Variants in TMPRSS4 observed in about 807,000 individuals in gnomAD.
TMPRSS4 encodes transmembrane serine protease 4, also known as transmembrane protease serine 4.
TMPRSS4 carries 45 observed loss-of-function variants against 56.4 expected under a neutral mutation model. That is an observed-to-expected ratio of 0.80 (90% CI 0.63 to 1.02). The LOEUF (loss-of-function observed/expected upper bound fraction) is 1.02, where lower values mean the gene tolerates loss of function less well. Among genes scored for constraint, TMPRSS4 ranks in the 50% least tolerant of loss-of-function variants. The pLI, the probability that TMPRSS4 is intolerant of heterozygous loss-of-function variation, is 0.00. For synonymous variants in TMPRSS4, 205 were observed against 211.0 expected, an observed-to-expected ratio of 0.97 and a Z score of 0.25; for missense variants, 546 against 556.7, an observed-to-expected ratio of 0.98 and a Z score of 0.19.
intron 11 of TMPRSS4, among the ~76,000 whole-genome samples, chr11:118,116,337 GT>G (rs1318794144): frequency 6.6e-6 from 1 of 152,176 alleles, no homozygotes; most frequent in Non-Finnish European, 1.5e-5. Context: ...GCATCTCTTA[GT>G]CATCGCATGT....
At chr11:118,114,575 T>C (rs1355937475) in intron 9 of TMPRSS4, among the ~76,000 whole-genome samples, 1 of 152,116 alleles carries the variant, frequency 6.6e-6, no homozygotes, top group African/African-American at 2.4e-5. Context: ...CCTGGGGTGA[T>C]TTAGGGCAGG....
At chr11:118,088,148 A>G (rs940872985) in intron 1 of TMPRSS4, 4 of 152,270 alleles carry the variant, frequency 2.6e-5, no homozygotes, top group African/African-American at 7.2e-5. Flanking sequence ...TCCTGAAACC[A>G]TGGGGAAATG....
At chr11:118,081,619 G>T (rs561144509) in intron 1 of TMPRSS4, among the ~76,000 whole-genome samples, 1 of 152,224 alleles carries the variant, frequency 6.6e-6, no homozygotes, top group Admixed American at 6.5e-5. Context: ...CCTGTCCAGG[G>T]GTGGCAGTCG....
intron 7 of TMPRSS4, 107 bp from the exon 8 acceptor site, chr11:118,111,634 C>G (rs909290684): frequency 3.4e-6 from 3 of 872,062 alleles, no homozygotes; most frequent in Non-Finnish European, 5.0e-6. Flanking sequence ...CACTCTGGCC[C>G]CAGCCATAAG....
At chr11:118,110,318 G>A (rs554706350) in intron 7 of TMPRSS4, among the ~76,000 whole-genome samples, 1 of 151,028 alleles carries the variant, frequency 6.6e-6, no homozygotes, top group Non-Finnish European at 1.5e-5. Context: ...CAAACCAAGA[G>A]GGGGATAGAG....
At chr11:118,117,239 C>G in intron 11 of TMPRSS4, 66 bp from the exon 12 acceptor site, 1 of 1,532,712 alleles carries the variant, frequency 6.5e-7, no homozygotes, top group Non-Finnish European at 9.0e-7. Flanking sequence ...GTTCAGGGAG[C>G]AGAGAAGGAG....
chr11:118,101,211 G>A (rs142425881), intron 3 of TMPRSS4, among the ~76,000 whole-genome samples: 1 of 152,246 alleles, frequency 6.6e-6, no homozygotes, highest in African/African-American at 2.4e-5. Context: ...CCACGTCCCT[G>A]TTTGTAATGT....
intron 11 of TMPRSS4, 93 bp downstream of exon 11, chr11:118,115,373 C>T (rs1055116977): frequency 2.7e-5 from 40 of 1,464,530 alleles, no homozygotes; most frequent in Non-Finnish European, 3.6e-5. Context: ...CTACAGGAAG[C>T]CTTGCATATC....
rs772893876 is a variant in TMPRSS4 at position 118,103,255 on chromosome 11, T to C, written c.310+2T>C. On this transcript the variant is annotated splice_donor_variant, in intron 4 of 12. Transcript: ENST00000437212. LOFTEE classifies it high-confidence loss of function. Reference sequence around the variant, plus strand: ...TCCCCGAAGGGCCTGCAGTGGCAGGTGAGTGCAGGGTCTGAGGCACAAGAG... The same window carrying C: ...TCCCCGAAGGGCCTGCAGTGGCAGGCGAGTGCAGGGTCTGAGGCACAAGAG... 6.2e-7 allele frequency: 1 copy of C among 1,612,728 alleles called. No homozygotes were observed. The highest frequency in any genetic ancestry group is 8.5e-7 in the Non-Finnish European group (1 of 1,179,688).
At chr11:118,096,423 A>G (rs1946289886) in intron 2 of TMPRSS4, among the ~76,000 whole-genome samples, 1 of 152,202 alleles carries the variant, frequency 6.6e-6, no homozygotes, top group Non-Finnish European at 1.5e-5. Context: ...GGAAGAGCTG[A>G]GGAAAGAAAT....
intron 1 of TMPRSS4, among the ~76,000 whole-genome samples, chr11:118,083,344 C>A (rs1048375191): frequency 3.3e-5 from 5 of 152,212 alleles, no homozygotes; most frequent in African/African-American, 1.2e-4. Context: ...CGTGTTCCAC[C>A]CTCTCTTCCG....
chr11:118,096,846 GGA>G (rs1565422125), intron 2 of TMPRSS4, among the ~76,000 whole-genome samples: 2,299 of 36,236 alleles, frequency 0.063, 662 homozygotes, highest in South Asian at 0.14. Context: ...AAGGAAAGAA[GGA>G]AAGAAAGAAA....
In TMPRSS4 at chr11:118,120,719, A is replaced by T. The variant is rs1947765480; in HGVS notation, c.*2806A>T. ...TAAGGAGATTAAAAATATGAAAACA[A>T]GGCCAGGAGCAATGAAGCCTAGAAT... On this transcript the variant is annotated 3_prime_UTR_variant, in exon 13 of 13. Coordinates refer to ENST00000437212, the MANE Select transcript of TMPRSS4 (RefSeq NM_019894.4). 5 of 152,208 alleles carry T rather than the reference A, an allele frequency of 3.3e-5. No homozygotes were observed. The highest frequency in any genetic ancestry group is 3.3e-4 in the Admixed American group (5 of 15,282). 9.4% of individuals were successfully genotyped at this position (152,208 alleles called of 1,614,324 possible). A position where few individuals can be genotyped will look rare whatever the true frequency, so the allele number is the denominator to read the frequency against.
Position 118,118,012 on chromosome 11 carries a change from A to G in TMPRSS4, c.*99A>G. The G allele has an allele frequency of 6.2e-7, 1 of 1,603,782 alleles. No individual in the cohort carries two copies. The highest frequency in any genetic ancestry group is 8.5e-7 in the Non-Finnish European group (1 of 1,177,562). On this transcript the variant is annotated 3_prime_UTR_variant, in exon 13 of 13. Transcript: ENST00000437212. The stretch of plus-strand genomic sequence containing the variant: ...ACACAGAGCAAGAGTCCCCTTGGGT[A>G]CACCCCTCTGCCCACAGCCTCAGCA...
intron 7 of TMPRSS4, 81 bp from the exon 8 acceptor site, chr11:118,111,660 A>T (rs942077196): frequency 9.1e-6 from 11 of 1,206,278 alleles, no homozygotes; most frequent in Non-Finnish European, 1.2e-5. Flanking sequence ...TGCTTAGAGC[A>T]GATTTTGGGT....
At chr11:118,102,623 C>G (rs35392431) in intron 3 of TMPRSS4, among the ~76,000 whole-genome samples, 50,536 of 151,998 alleles carry the variant, frequency 0.33, 8,521 homozygotes, top group Admixed American at 0.36. Context: ...GCAGGAGACT[C>G]ACTTAAACTT....
At chr11:118,096,835 G>GA (rs1946321505) in intron 2 of TMPRSS4, among the ~76,000 whole-genome samples, 1 of 17,858 alleles carries the variant, frequency 5.6e-5, no homozygotes, top group Non-Finnish European at 1.2e-4. Context: ...GAGAAAGAAA[G>GA]AAGGAAAGAA....
Position 118,113,403 on chromosome 11 carries a change from T to G in TMPRSS4, c.878T>G (p.Leu293Arg), listed in dbSNP as rs1947380051. 2.5e-6 allele frequency: 4 copies of G among 1,614,010 alleles called. No homozygotes were observed. The highest frequency in any genetic ancestry group is 3.4e-6 in the Non-Finnish European group (4 of 1,180,026). The change falls in exon 9 of 13, where the codon CTC becomes CGC. Residue 293 changes from leucine (L) to arginine (R), a missense_variant. Transcript: ENST00000437212. ...TACCCCAAAGACAATGACATCGCCC[T>G]CATGAAGCTGCAGTTCCCACTCACT... ...PMYPKDNDIA[L>R]MKLQFPLTFS...
chr11:118,094,704 A>G, intron 1 of TMPRSS4, 112 bp from the exon 2 acceptor site: 2 of 905,068 alleles, frequency 2.2e-6, no homozygotes, highest in Non-Finnish European at 3.6e-6. Flanking sequence ...AGAGACCCCC[A>G]ACGTAGACTC....
Sources: gnomAD v4.1 joint callset for allele counts (sites outside exome capture counted in the v4.1 genomes callset) on GRCh38, gnomAD v4.1.1 for gene constraint, MANE v1.5 for transcripts, NCBI Gene and HGNC (gene_info 2026-07-23, HGNC 2026-07-21) for gene names.